ENOX1: variants seen among roughly 807,000 people sequenced by gnomAD.
The protein encoded by ENOX1 is candidate growth-related and time keeping constitutive hydroquinone (NADH) oxidase.
A neutral mutation model predicts 82.5 loss-of-function variants in ENOX1; 42 were observed. The ratio of observed to expected loss-of-function variants is 0.51; its 90% CI spans 0.40 to 0.66. The LOEUF (loss-of-function observed/expected upper bound fraction) is 0.66. ENOX1 is among the 30% of genes least tolerant of loss of function. The pLI is 0.00. For missense variants in ENOX1, 608 were observed against 811.6 expected (o/e 0.75, Z 3.05); for synonymous variants, 271 against 282.2 (o/e 0.96, Z 0.40).
chr13:43,762,160 T>G (rs1385151040), intron 1 of ENOX1, among the ~76,000 whole-genome samples: 1 of 152,196 alleles, frequency 6.6e-6, no homozygotes, highest in Non-Finnish European at 1.5e-5. Context: ...TTAAAGCAGC[T>G]CAGGGGCAAT....
intron 1 of ENOX1, among the ~76,000 whole-genome samples, chr13:43,785,025 T>G (rs1952487853): frequency 6.6e-6 from 1 of 152,210 alleles, no homozygotes; most frequent in South Asian, 2.1e-4. Flanking sequence ...TCCCTCACAA[T>G]ATTCCGAAAG....
At chr13:43,237,834 T>C (rs1265300410) in intron 14 of ENOX1, among the ~76,000 whole-genome samples, 4 of 152,150 alleles carry the variant, frequency 2.6e-5, no homozygotes, top group Non-Finnish European at 5.9e-5. Context: ...GCACATGCCA[T>C]CAAAACAGAT....
chr13:43,640,948 G>A (rs2083620697), intron 2 of ENOX1, among the ~76,000 whole-genome samples: 1 of 151,058 alleles, frequency 6.6e-6, no homozygotes, highest in African/African-American at 2.4e-5. Context: ...GTAACCTACA[G>A]CAAAATCAAC....
chr13:43,589,570 A>T (rs575573810), intron 2 of ENOX1, among the ~76,000 whole-genome samples: 1 of 152,286 alleles, frequency 6.6e-6, no homozygotes. Flanking sequence ...CAATGACACA[A>T]TCATAGCTCA....
In ENOX1 at chr13:43,581,117, A is replaced by G. The variant is rs1224363658; in HGVS notation, c.-219+86362T>C. 9.9e-5 allele frequency among the ~76,000 whole-genome samples: 13 copies of G among 131,786 alleles called. No homozygotes were observed. In the Admixed American group the frequency reaches 1.0e-3, roughly 10 times the overall value. The allele number at this position is 131,786 out of a possible 152,430, so 86.5% of individuals were successfully genotyped here. On this transcript the variant is annotated intron_variant, in intron 2 of 16. Coordinates refer to ENST00000690772, the MANE Select transcript of ENOX1 (RefSeq NM_001347969.2). ...ATCTGACCTAAGTTATTTTAGCACT[A>G]CCTGATTCTTTTTTTTTTTTTTTTT...
chr13:43,763,804 T>C (rs1374453324), intron 1 of ENOX1, among the ~76,000 whole-genome samples: 2 of 152,186 alleles, frequency 1.3e-5, no homozygotes, highest in Non-Finnish European at 2.9e-5. Flanking sequence ...AAAGAAAACA[T>C]TACTGAAAAT....
chr13:43,480,432 T>C (rs1446614536), intron 3 of ENOX1, among the ~76,000 whole-genome samples: 1 of 152,172 alleles, frequency 6.6e-6, no homozygotes, highest in Non-Finnish European at 1.5e-5. Flanking sequence ...TGAGGATAAT[T>C]AAAATTTTGG....
At chr13:43,296,128 C>T (rs1325907924) in intron 12 of ENOX1, among the ~76,000 whole-genome samples, 1 of 152,208 alleles carries the variant, frequency 6.6e-6, no homozygotes, top group Non-Finnish European at 1.5e-5. Context: ...TACTACGTGT[C>T]TGTTATGGAT....
chr13:43,494,562 A>G (rs1285373209), intron 2 of ENOX1, among the ~76,000 whole-genome samples: 1 of 152,204 alleles, frequency 6.6e-6, no homozygotes, highest in Non-Finnish European at 1.5e-5. Flanking sequence ...TAATATTGTA[A>G]GAAGGCACAT....
At chr13:43,325,106 CTT>C (rs549151011) in intron 10 of ENOX1, among the ~76,000 whole-genome samples, 2 of 149,110 alleles carry the variant, frequency 1.3e-5, no homozygotes, top group African/African-American at 2.5e-5. Flanking sequence ...ACAGAGGACT[CTT>C]TTTTTTTTAA....
intron 1 of ENOX1, among the ~76,000 whole-genome samples, chr13:43,681,467 T>G (rs879318641): frequency 1.3e-5 from 2 of 152,176 alleles, no homozygotes; most frequent in African/African-American, 4.8e-5. Flanking sequence ...TGGCAGATAT[T>G]TAAATTTTTC....
chr13:43,467,526 T>TTTTAAAATTTAAAATTTTA (rs1555288423), intron 3 of ENOX1, among the ~76,000 whole-genome samples: 5 of 148,008 alleles, frequency 3.4e-5, no homozygotes, highest in Non-Finnish European at 5.9e-5. Context: ...TTTAAAATTT[T>TTTTAAAATTTAAAATTTTA]AAATTTTAAA....
chr13:43,502,629 G>T (rs2077019940), intron 2 of ENOX1, among the ~76,000 whole-genome samples: 1 of 151,526 alleles, frequency 6.6e-6, no homozygotes, highest in Non-Finnish European at 1.5e-5. Context: ...ATTAATAGAT[G>T]CAGAAAAGCA....
intron 11 of ENOX1, among the ~76,000 whole-genome samples, chr13:43,304,432 C>T (rs555267972): frequency 6.6e-6 from 1 of 152,236 alleles, no homozygotes; most frequent in African/African-American, 2.4e-5. Flanking sequence ...CCATGTAATG[C>T]CACCAGGCTA....
intron 2 of ENOX1, among the ~76,000 whole-genome samples, chr13:43,629,723 A>G (rs1245043027): frequency 1.3e-5 from 2 of 152,226 alleles, no homozygotes; most frequent in East Asian, 3.8e-4. Flanking sequence ...ACTGGTTTTC[A>G]TTCCAGAAAT....
chr13:43,644,139 C>T (rs963009758), intron 2 of ENOX1, among the ~76,000 whole-genome samples: 43 of 152,274 alleles, frequency 2.8e-4, no homozygotes, highest in African/African-American at 9.9e-4. Flanking sequence ...GGGCATCACA[C>T]ACACATGTGA....
In ENOX1 at chr13:43,356,084, G is replaced by A. The variant is rs2050137419; in HGVS notation, c.658C>T (p.Gln220Ter). 2 of 1,614,184 alleles carry A rather than the reference G, an allele frequency of 1.2e-6. No homozygotes were observed. The highest frequency in any genetic ancestry group is 1.7e-6 in the Non-Finnish European group (2 of 1,180,034). Residue 220 changes from glutamine to a stop codon, truncating the protein, a stop_gained, in exon 8 of 17, where the codon CAG becomes TAG. Transcript: ENST00000690772. LOFTEE classifies it high-confidence loss of function. ...CACTCATAGAAGTCATCCCTGGCCT[G>A]GGCAAAGTCCACATGAAGGCGGCCT... ...DSGRLHVDFAQARDDFYEWEC... is the reference protein window; with the variant it reads ...DSGRLHVDFA
At chr13:43,228,606 A>G (rs751090428) in intron 15 of ENOX1, among the ~76,000 whole-genome samples, 32 of 152,188 alleles carry the variant, frequency 2.1e-4, no homozygotes, top group Non-Finnish European at 3.8e-4. Context: ...CATCTAGTTT[A>G]TTTACATTAT....
At chr13:43,671,668 C>T (rs1038920468) in intron 1 of ENOX1, among the ~76,000 whole-genome samples, 5 of 152,074 alleles carry the variant, frequency 3.3e-5, no homozygotes, top group African/African-American at 1.2e-4. Context: ...AAAGAAACCC[C>T]TAGAATAGAT....
Sources: gnomAD v4.1 joint callset for allele counts (sites outside exome capture counted in the v4.1 genomes callset) on GRCh38, gnomAD v4.1.1 for gene constraint, MANE v1.5 for transcripts, NCBI Gene and HGNC (gene_info 2026-07-23, HGNC 2026-07-21) for gene names.